The following ITPRID2 variants were observed in gnomAD, a reference collection of about 807,000 sequenced individuals.
The protein encoded by ITPRID2 is ITPR interacting domain containing 2.
A neutral mutation model predicts 124.3 loss-of-function variants in ITPRID2; 60 were observed. The ratio of observed to expected loss-of-function variants is 0.48; its 90% CI spans 0.39 to 0.60. The LOEUF is 0.60. ITPRID2 is among the 20% of genes least tolerant of loss of function. The probability of loss-of-function intolerance (pLI) is 0.00; values close to 1 mark genes in which losing one functional copy is unlikely to be tolerated. For missense variants in ITPRID2, 1,553 were observed against 1,512.2 expected, an observed-to-expected ratio of 1.03 and a Z score of -0.45; for synonymous variants, 521 against 542.9, an observed-to-expected ratio of 0.96 and a Z score of 0.56.
intron 6 of ITPRID2, among the ~76,000 whole-genome samples, chr2:181,899,730 A>G (rs1307158057): frequency 2.0e-5 from 3 of 152,096 alleles, no homozygotes; most frequent in Admixed American, 6.6e-5. Flanking sequence ...TGTAGTCACA[A>G]CCACTTGGAA....
rs959735699 is a variant in ITPRID2, at chr2:181,910,997, C to T, written c.1486+1026C>T. Among the ~76,000 whole-genome samples the T allele has an allele frequency of 6.6e-6, 1 of 152,138 alleles. No homozygotes were observed. The highest frequency in any genetic ancestry group is 1.5e-5 in the Non-Finnish European group (1 of 68,000). On this transcript the variant is annotated intron_variant, in intron 9 of 17. Coordinates refer to ENST00000431877, the MANE Select transcript of ITPRID2 (RefSeq NM_001130445.3). This position sits in a 1 kb window ranked among gnomAD's most constrained non-coding sequence, Gnocchi z 4.1. ...ACAGGGGATACATTGGAAAAAGCAG[C>T]TTGCCATGCATTAAAAGGAGGATAA... is the stretch of plus-strand genomic sequence containing the variant.
chr2:181,903,820 C>T (rs550068774), intron 8 of ITPRID2, among the ~76,000 whole-genome samples: 15 of 152,192 alleles, frequency 9.9e-5, no homozygotes, highest in African/African-American at 3.4e-4. Flanking sequence ...CTTTTTCACT[C>T]TGATAACTTT....
chr2:181,928,197 A>G lies in ITPRID2; in HGVS notation c.3712A>G (p.Ile1238Val). The G allele has an allele frequency of 1.3e-6, 2 of 1,550,654 alleles. No homozygotes were observed. The highest frequency in any genetic ancestry group is 4.9e-5 in the East Asian group (2 of 40,820). ...ESIVGEIRRE[I>V]VSGLLAAVSS... ...TATTGTTGGGGAAATCAGACGGGAA[A>G]TTGTAAGTGGACTTTTGGCAGCAGT... The change falls in exon 17 of 18, where the codon ATT becomes GTT. Residue 1238 changes from isoleucine (I) to valine (V), a missense_variant. Physicochemically the swap from Ile to Val is conservative, Grantham distance 29 (BLOSUM62 3). Coordinates refer to ENST00000431877, the MANE Select transcript of ITPRID2 (RefSeq NM_001130445.3).
chr2:181,915,873 T>A lies in ITPRID2; in HGVS notation c.2233T>A (p.Leu745Met), dbSNP rs748447897. The change falls in exon 11 of 18, where the codon TTG becomes ATG. Residue 745 changes from leucine (L) to methionine (M), a missense_variant. Coordinates refer to ENST00000431877, the MANE Select transcript of ITPRID2 (RefSeq NM_001130445.3). Reference protein sequence around the residue: ...RRSQSLPTTLLSPVRVVSSVN... With the variant: ...RRSQSLPTTLMSPVRVVSSVN... ...GTCTCAGTCTTTACCAACCACCTTATTGAGCCCAGTAAGGGTTGTGTCCTC... is the reference window on the plus strand; with the variant it reads ...GTCTCAGTCTTTACCAACCACCTTAATGAGCCCAGTAAGGGTTGTGTCCTC... 1 of 1,614,222 alleles carries A rather than the reference T, an allele frequency of 6.2e-7. No homozygotes were observed. Among genetic ancestry groups the A allele is most frequent in the South Asian group, 1.1e-5 (1 of 91,084 alleles).
intron 9 of ITPRID2, among the ~76,000 whole-genome samples, chr2:181,913,077 A>T (rs75010590): frequency 0.072 from 10,872 of 151,084 alleles, 624 homozygotes; most frequent in African/African-American, 0.15. Flanking sequence ...TTATTTATTT[A>T]TTTTTTTTGA....
Position 181,915,766 on chromosome 2 carries a change from G to A in ITPRID2, c.2126G>A (p.Arg709Lys), listed in dbSNP as rs1258248483. The A allele has an allele frequency of 2.5e-6, 4 of 1,614,110 alleles. No individual in the cohort carries two copies. The highest frequency in any genetic ancestry group is 3.4e-6 in the Non-Finnish European group (4 of 1,180,028). The change falls in exon 11 of 18, where the codon AGG becomes AAG. Residue 709 changes from arginine to lysine, a missense_variant. Transcript: ENST00000431877. Reference protein sequence around the residue: ...QMKVCSLSNQRMGRSLLKSKD... With the variant: ...QMKVCSLSNQKMGRSLLKSKD... ...AAGGTTTGCAGTCTGTCTAATCAAA[G>A]GATGGGGCGTAGCCTGCTAAAATCA...
intron 8 of ITPRID2, among the ~76,000 whole-genome samples, chr2:181,903,647 A>G (rs1430665148): frequency 6.6e-6 from 1 of 152,194 alleles, no homozygotes; most frequent in African/African-American, 2.4e-5. Context: ...AAAAGGGAGT[A>G]GGAGCAGCAC....
chr2:181,909,264 G>A (rs532341510), intron 8 of ITPRID2, among the ~76,000 whole-genome samples: 2 of 152,226 alleles, frequency 1.3e-5, no homozygotes, highest in East Asian at 3.9e-4. Flanking sequence ...TCAGGACAAA[G>A]CAGTCTTAAA....
intron 11 of ITPRID2, chr2:181,916,739 CTT>C: frequency 1.2e-6 from 1 of 811,110 alleles, no homozygotes; most frequent in Non-Finnish European, 1.6e-6. Flanking sequence ...AGTCTAGAAT[CTT>C]TTGTCATTTC....
At position 181,896,691 on chromosome 2, in the gene ITPRID2, A is replaced by G. The variant is rs1229078348; in HGVS notation, c.308-217A>G. Among the ~76,000 whole-genome samples the G allele has an allele frequency of 1.3e-5, 2 of 152,010 alleles. No homozygotes were observed. The highest frequency in any genetic ancestry group is 2.9e-5 in the Non-Finnish European group (2 of 67,868). ...ACAGCCTATAGGTTGGCTTCTGAGA[A>G]CTTTATGTTGCTGGAAAAGTGGTTT... On this transcript the variant is annotated intron_variant, in intron 3 of 17. Coordinates refer to ENST00000431877, the MANE Select transcript of ITPRID2 (RefSeq NM_001130445.3). This position sits in a 1 kb window ranked among gnomAD's most constrained non-coding sequence, Gnocchi z 4.3.
intron 4 of ITPRID2, 23 bp from the exon 5 acceptor site, chr2:181,898,857 A>T: frequency 1.3e-6 from 2 of 1,570,492 alleles, no homozygotes; most frequent in Non-Finnish European, 1.8e-6. Flanking sequence ...ATTGTGCTCT[A>T]CGTTTATTGT....
intron 10 of ITPRID2, among the ~76,000 whole-genome samples, chr2:181,914,300 C>G (rs1322117569): frequency 6.6e-6 from 1 of 152,006 alleles, no homozygotes; most frequent in Non-Finnish European, 1.5e-5. Flanking sequence ...TAATTGTGGA[C>G]CTATAGCTTG....
Position 181,919,257 on chromosome 2 carries a change from T to C in ITPRID2, c.2994-39T>C. The stretch of plus-strand genomic sequence containing the variant: ...GATTTGTGATTAGGAATCTCCAAAC[T>C]GCATTTTTCCAATTTTGTGCCCTTC... On this transcript the variant is annotated intron_variant, in intron 13 of 17. Coordinates refer to ENST00000431877, the MANE Select transcript of ITPRID2 (RefSeq NM_001130445.3). The surrounding 1 kb of genome is among the most constrained non-coding windows in gnomAD (Gnocchi z 4.2). 3 of 1,609,994 alleles carry C rather than the reference T, an allele frequency of 1.9e-6. No individual in the cohort carries two copies. The highest frequency in any genetic ancestry group is 1.7e-6 in the Non-Finnish European group (2 of 1,179,022).
chr2:181,919,269 A>G lies in ITPRID2; in HGVS notation c.2994-27A>G, dbSNP rs377722959. The stretch of plus-strand genomic sequence containing the variant: ...GGAATCTCCAAACTGCATTTTTCCA[A>G]TTTTGTGCCCTTCACCATACCAATA... On this transcript the variant is annotated intron_variant, in intron 13 of 17. Transcript: ENST00000431877. The surrounding 1 kb of genome is among the most constrained non-coding windows in gnomAD (Gnocchi z 4.2). The G allele has an allele frequency of 1.1e-5, 18 of 1,611,612 alleles. No individual in the cohort carries two copies. The highest frequency in any genetic ancestry group is 6.7e-5 in the African/African-American group (5 of 74,810).
In ITPRID2 at chr2:181,892,477, C is replaced by T. The variant is rs1046594944; in HGVS notation, c.212-138C>T. 10 of 1,238,624 alleles carry T rather than the reference C, an allele frequency of 8.1e-6. No homozygotes were observed. The highest frequency in any genetic ancestry group is 1.0e-5 in the Non-Finnish European group (9 of 866,068). The allele number at this position is 1,238,624 out of a possible 1,614,324, so 76.7% of individuals were successfully genotyped here. On this transcript the variant is annotated intron_variant, in intron 1 of 17. Coordinates refer to ENST00000431877, the MANE Select transcript of ITPRID2 (RefSeq NM_001130445.3). The surrounding 1 kb of genome is among the most constrained non-coding windows in gnomAD (Gnocchi z 5.2). ...CAGACAACTGGGTGCCATCCGATTTCCCTGCCAAGGGACACTGAGACGTGT... is the reference window on the plus strand; with the variant it reads ...CAGACAACTGGGTGCCATCCGATTTTCCTGCCAAGGGACACTGAGACGTGT...
Position 181,898,900 on chromosome 2 carries a change from G to C in ITPRID2, c.385G>C (p.Asp129His). The C allele has an allele frequency of 1.2e-6, 2 of 1,611,972 alleles. No individual in the cohort carries two copies. The highest frequency in any genetic ancestry group is 1.7e-6 in the Non-Finnish European group (2 of 1,178,272). Reference sequence around the variant, plus strand: ...TGTAGCCAACCACCTCCATGAAAGTGATGCTCAAATTGAAAACTGGTATGT... The same window carrying C: ...TGTAGCCAACCACCTCCATGAAAGTCATGCTCAAATTGAAAACTGGTATGT... ...GAEANHLHES[D>H]AQIENCNNIL... The change falls in exon 5 of 18, where the codon GAT becomes CAT. Residue 129 changes from aspartate to histidine, a missense_variant. By Grantham distance (81) the Asp-to-His change is moderately conservative. Transcript: ENST00000431877.
Position 181,915,288 on chromosome 2 carries a change from G to A in ITPRID2, c.1648G>A (p.Gly550Ser), listed in dbSNP as rs1693940008. Reference protein sequence around the residue: ...CDSETTVTSLGEDLATPTAQD... With the variant: ...CDSETTVTSLSEDLATPTAQD... ...CAGTGAGACAACAGTTACGTCACTTGGTGAAGACCTTGCCACACCAACAGC... is the reference window on the plus strand; with the variant it reads ...CAGTGAGACAACAGTTACGTCACTTAGTGAAGACCTTGCCACACCAACAGC... The change falls in exon 11 of 18, where the codon GGT (glycine) becomes AGT (serine). Residue 550 changes from glycine (G) to serine (S), a missense_variant. Physicochemically the swap from Gly to Ser is moderately conservative, Grantham distance 56 (BLOSUM62 0). Coordinates refer to ENST00000431877, the MANE Select transcript of ITPRID2 (RefSeq NM_001130445.3). 1.2e-6 allele frequency: 2 copies of A among 1,614,138 alleles called. No homozygotes were observed. Among genetic ancestry groups the A allele is most frequent in the Non-Finnish European group, 1.7e-6 (2 of 1,180,018 alleles).
intron 14 of ITPRID2, among the ~76,000 whole-genome samples, 186 bp from the exon 15 acceptor site, chr2:181,920,411 G>A (rs1694393781): frequency 6.6e-6 from 1 of 152,066 alleles, no homozygotes; most frequent in Non-Finnish European, 1.5e-5. Context: ...TGCATTTTAT[G>A]GGATCTGTGA....
Position 181,891,899 on chromosome 2 carries a change from TCCC to T in ITPRID2, c.-167_-165del. Reference sequence around the variant, plus strand: ...CCTCCGCCCCTTCCCTCCCCTTCCTTCCCTCCCTCCCTCCCTGTCCCCTCCTCC... The same window carrying T: ...CCTCCGCCCCTTCCCTCCCCTTCCTTTCCCTCCCTCCCTGTCCCCTCCTCC... On this transcript the variant is annotated 5_prime_UTR_variant, in exon 1 of 18. Transcript: ENST00000431877. The T allele has an allele frequency of 5.2e-6, 2 of 383,350 alleles. No homozygotes were observed. Among genetic ancestry groups the T allele is most frequent in the East Asian group, 6.4e-5 (1 of 15,660 alleles). 23.7% of individuals were successfully genotyped at this position (383,350 alleles called of 1,614,324 possible).
Sources: gnomAD v4.1 joint callset for allele counts (sites outside exome capture counted in the v4.1 genomes callset) on GRCh38, gnomAD v4.1.1 for gene constraint, Gnocchi (gnomAD v3.1) non-coding constraint, MANE v1.5 for transcripts, NCBI Gene and HGNC (gene_info 2026-07-23, HGNC 2026-07-21) for gene names.